MPP7: variants seen among roughly 807,000 people sequenced by gnomAD.
MPP7 encodes the protein MAGUK p55 subfamily member 7.
A neutral mutation model predicts 76.5 loss-of-function variants in MPP7; 60 were observed. The ratio of observed to expected loss-of-function variants is 0.78; its 90% confidence interval spans 0.64 to 0.97. The LOEUF (loss-of-function observed/expected upper bound fraction) is 0.97. Ranked by LOEUF, MPP7 falls within the 50% of genes least tolerant of loss-of-function variation. MPP7 has a pLI of 0.00. For missense variants in MPP7, 641 were observed against 694.0 expected (o/e 0.92, Z 0.86); for synonymous variants, 237 against 244.5 (o/e 0.97, Z 0.29).
intron 1 of MPP7, among the ~76,000 whole-genome samples, chr10:28,269,452 T>C (rs761574140): frequency 6.6e-6 from 1 of 152,122 alleles, no homozygotes; most frequent in Non-Finnish European, 1.5e-5. Context: ...CATTCTAAAG[T>C]AAATCTCCAC....
intron 2 of MPP7, among the ~76,000 whole-genome samples, chr10:28,207,029 T>A (rs181099718): frequency 6.6e-6 from 1 of 152,180 alleles, no homozygotes; most frequent in Non-Finnish European, 1.5e-5. Context: ...ATGAGAACAA[T>A]GTGCCTTCTC....
At chr10:28,275,951 T>G (rs1840481053) in intron 1 of MPP7, among the ~76,000 whole-genome samples, 1 of 151,994 alleles carries the variant, frequency 6.6e-6, no homozygotes, top group Admixed American at 6.6e-5. Flanking sequence ...ATTATACCTC[T>G]TGGAGAACCT....
intron 1 of MPP7, among the ~76,000 whole-genome samples, chr10:28,295,950 T>C (rs146592374): frequency 6.6e-6 from 1 of 152,344 alleles, no homozygotes; most frequent in East Asian, 1.9e-4. Flanking sequence ...GCACCTACCA[T>C]AATCTGAAAT....
chr10:28,246,151 A>G (rs966137748), intron 1 of MPP7, among the ~76,000 whole-genome samples: 11 of 152,186 alleles, frequency 7.2e-5, no homozygotes, highest in African/African-American at 2.7e-4. Context: ...TCATGCTAAG[A>G]CATATTATAA....
intron 1 of MPP7, among the ~76,000 whole-genome samples, chr10:28,262,212 T>TATATATATATATAC (rs1564741285): frequency 3.1e-4 from 18 of 57,546 alleles, no homozygotes; most frequent in African/African-American, 1.3e-3. Context: ...TATATACATA[T>TATATATATATATAC]ATATATATAT....
intron 1 of MPP7, among the ~76,000 whole-genome samples, chr10:28,334,161 A>C (rs1397838177): frequency 6.6e-6 from 1 of 152,074 alleles, no homozygotes; most frequent in Admixed American, 6.6e-5. Flanking sequence ...AGATCATGCC[A>C]CTGCACTCCA....
Position 28,147,485 on chromosome 10 carries a change from T to C in MPP7, c.313A>G (p.Lys105Glu). 1 of 1,613,252 alleles carries C rather than the reference T, an allele frequency of 6.2e-7. No homozygotes were observed. The highest frequency in any genetic ancestry group is 8.5e-7 in the Non-Finnish European group (1 of 1,179,172). The part of the protein sequence containing the change: ...LLKLLSKPNV[K>E]ALLSVHDTVA... ...TTACCGGCGTAACATGTCCTCACCT[T>C]CACATTGGGTTTTGACAGTAGTTTC... is the stretch of plus-strand genomic sequence containing the variant. Residue 105 changes from lysine (K) to glutamate (E), a missense_variant and splice_region_variant, in exon 5 of 17, where the codon AAG becomes GAG. Transcript: ENST00000683449.
At chr10:28,235,060 T>TCAGC (rs1839027167) in intron 2 of MPP7, among the ~76,000 whole-genome samples, 1 of 152,216 alleles carries the variant, frequency 6.6e-6, no homozygotes, top group African/African-American at 2.4e-5. Flanking sequence ...TCCACCCACC[T>TCAGC]CAGCCTCCCG....
chr10:28,109,058 C>T (rs530560427), intron 11 of MPP7, among the ~76,000 whole-genome samples: 2 of 152,136 alleles, frequency 1.3e-5, no homozygotes, highest in African/African-American at 4.8e-5. Context: ...GAGGCTGAGG[C>T]GGGCAGATCA....
At chr10:28,325,182 C>T (rs996773783) in intron 2 of MPP7, among the ~76,000 whole-genome samples, 2 of 152,192 alleles carry the variant, frequency 1.3e-5, no homozygotes, top group African/African-American at 4.8e-5. Flanking sequence ...GTGTGAGCTA[C>T]TGTGCCAGCT....
At chr10:28,212,123 A>T (rs548893592) in intron 2 of MPP7, among the ~76,000 whole-genome samples, 47 of 152,244 alleles carry the variant, frequency 3.1e-4, no homozygotes, top group East Asian at 1.5e-3. Context: ...GTAAAAAAAA[A>T]AAAATAAATG....
At chr10:28,135,256 A>G (rs1835318568) in intron 5 of MPP7, among the ~76,000 whole-genome samples, 1 of 152,170 alleles carries the variant, frequency 6.6e-6, no homozygotes, top group Non-Finnish European at 1.5e-5. Context: ...AGGTAAGCCT[A>G]TAGAAGAGGA....
chr10:28,116,896 G>A lies in MPP7; in HGVS notation c.952+2755C>T, dbSNP rs1326636702. Among the ~76,000 whole-genome samples, 3 of 152,058 alleles carry A rather than the reference G, an allele frequency of 2.0e-5. No individual in the cohort carries two copies. In the East Asian group the frequency reaches 5.8e-4, roughly 29 times the overall value. ...TGCACTTATGAATTTTGCATAAGGAGGCTAGTTTCAAAGCCTAAAGAGGTT... is the reference window on the plus strand; with the variant it reads ...TGCACTTATGAATTTTGCATAAGGAAGCTAGTTTCAAAGCCTAAAGAGGTT... On this transcript the variant is annotated intron_variant, in intron 11 of 16. Coordinates refer to ENST00000683449, the MANE Select transcript of MPP7 (RefSeq NM_001318170.2).
At chr10:28,071,161 G>A (rs932167700) in intron 12 of MPP7, among the ~76,000 whole-genome samples, 5 of 152,248 alleles carry the variant, frequency 3.3e-5, no homozygotes, top group Non-Finnish European at 7.3e-5. Flanking sequence ...GGCTAGCACA[G>A]TGTCCAGGTA....
chr10:28,114,232 G>A (rs1834591906), intron 11 of MPP7, among the ~76,000 whole-genome samples: 1 of 152,132 alleles, frequency 6.6e-6, no homozygotes, highest in Admixed American at 6.5e-5. Flanking sequence ...ACCACATAGT[G>A]AGAACCCATC....
upstream of MPP7, chr10:28,334,555 T>C (rs1834498757): frequency 6.6e-6 from 1 of 152,254 alleles, no homozygotes. Flanking sequence ...GTCAATGTGC[T>C]TGACGTTTAT....
chr10:28,293,508 T>C (rs906899132), intron 1 of MPP7, among the ~76,000 whole-genome samples: 1 of 152,162 alleles, frequency 6.6e-6, no homozygotes, highest in African/African-American at 2.4e-5. Flanking sequence ...ATTATGCATA[T>C]GCCAGAGAGA....
intron 3 of MPP7, among the ~76,000 whole-genome samples, chr10:28,167,541 G>A (rs577905753): frequency 7.9e-5 from 12 of 152,136 alleles, no homozygotes; most frequent in South Asian, 4.2e-4. Flanking sequence ...TTGGGTGACC[G>A]GCTCAACAGA....
intron 13 of MPP7, among the ~76,000 whole-genome samples, chr10:28,069,465 G>A (rs775412364): frequency 1.3e-5 from 2 of 152,002 alleles, no homozygotes; most frequent in African/African-American, 2.4e-5. Context: ...TAAGCTGGGT[G>A]TGGTGGCACG....
Sources: gnomAD v4.1 joint callset for allele counts (sites outside exome capture counted in the v4.1 genomes callset) on GRCh38, gnomAD v4.1.1 for gene constraint, MANE v1.5 for transcripts, NCBI Gene and HGNC (gene_info 2026-07-23, HGNC 2026-07-21) for gene names.